Variants in PKNOX2 observed in about 807,000 individuals in gnomAD.
PKNOX2 encodes the protein homeobox protein PKNOX2.
In PKNOX2, 14 loss-of-function variants were observed where a neutral mutation model predicts 53.1. The ratio of observed to expected loss-of-function variants is 0.26; its 90% CI spans 0.17 to 0.41. PKNOX2 has a LOEUF of 0.41. Among genes scored for constraint, PKNOX2 ranks in the 10% least tolerant of loss-of-function variants. PKNOX2 has a pLI of 1.00. For synonymous variants in PKNOX2, 257 were observed against 242.8 expected, an observed-to-expected ratio of 1.06 and a Z score of -0.54; for missense variants, 496 against 602.8, an observed-to-expected ratio of 0.82 and a Z score of 1.85.
At chr11:125,239,943 A>T (rs1402186231) in intron 2 of PKNOX2, 1 of 152,252 alleles carries the variant, frequency 6.6e-6, no homozygotes, top group African/African-American at 2.4e-5. Context: ...CCGAGCTGCA[A>T]ATCTGCTTTC....
intron 3 of PKNOX2, among the ~76,000 whole-genome samples, chr11:125,339,889 T>C (rs1439018458): frequency 2.6e-5 from 4 of 152,226 alleles, no homozygotes; most frequent in African/African-American, 9.6e-5. Context: ...TTTAATTTTG[T>C]TCCTTCTCCT....
chr11:125,193,184 A>G (rs1956982565), intron 1 of PKNOX2, among the ~76,000 whole-genome samples: 1 of 152,226 alleles, frequency 6.6e-6, no homozygotes, highest in South Asian at 2.1e-4. Context: ...CTCCAAGCTT[A>G]CAAGACCAGT....
intron 2 of PKNOX2, among the ~76,000 whole-genome samples, chr11:125,293,516 G>C (rs1350467434): frequency 6.6e-6 from 1 of 152,110 alleles, no homozygotes; most frequent in East Asian, 1.9e-4. Flanking sequence ...CTGTTTCCTT[G>C]TTCTTTGTCT....
intron 3 of PKNOX2, among the ~76,000 whole-genome samples, chr11:125,337,688 G>A (rs1950497965): frequency 6.6e-6 from 1 of 152,164 alleles, no homozygotes; most frequent in East Asian, 1.9e-4. Context: ...TTCAGCACAG[G>A]GAAATCTCCA....
chr11:125,212,629 G>A (rs1393446857), intron 1 of PKNOX2, among the ~76,000 whole-genome samples: 1 of 151,702 alleles, frequency 6.6e-6, no homozygotes, highest in African/African-American at 2.4e-5. Flanking sequence ...GAACAGAGAG[G>A]GAAGAGAGGA....
rs689051 is a variant in PKNOX2, at chr11:125,422,594, G to A, written c.937-6418G>A. On this transcript the variant is annotated intron_variant, in intron 10 of 12. Coordinates refer to ENST00000298282, the MANE Select transcript of PKNOX2 (RefSeq NM_001382323.2). This position sits in a 1 kb window ranked among gnomAD's most constrained non-coding sequence, Gnocchi z 4.1. ...TCTCCATCCAAGACTGAGCCTTGTC[G>A]ACAACAGGCAAGTCAGCTGCAGGGT... 0.13 allele frequency among the ~76,000 whole-genome samples: 19,065 copies of A among 152,102 alleles called. 1,340 individuals carry two copies. The highest frequency in any genetic ancestry group is 0.15 in the Non-Finnish European group (9,930 of 67,990).
At chr11:125,356,588 C>T (rs1951630671) in intron 4 of PKNOX2, among the ~76,000 whole-genome samples, 2 of 152,202 alleles carry the variant, frequency 1.3e-5, no homozygotes, top group Admixed American at 1.3e-4. Context: ...CAGGACATGG[C>T]ACTCAGAGAT....
At chr11:125,292,262 A>G (rs1365290674) in intron 2 of PKNOX2, among the ~76,000 whole-genome samples, 1 of 152,238 alleles carries the variant, frequency 6.6e-6, no homozygotes, top group South Asian at 2.1e-4. Flanking sequence ...CTGCATCTGC[A>G]TCTGCTACCA....
intron 1 of PKNOX2, among the ~76,000 whole-genome samples, chr11:125,181,692 G>T (rs1486584049): frequency 6.6e-6 from 1 of 152,250 alleles, no homozygotes; most frequent in Non-Finnish European, 1.5e-5. Context: ...TAGTTTGGGA[G>T]AGGAATCTCT....
chr11:125,175,819 G>A (rs1955671328), intron 1 of PKNOX2, among the ~76,000 whole-genome samples: 1 of 152,164 alleles, frequency 6.6e-6, no homozygotes, highest in Non-Finnish European at 1.5e-5. Context: ...TGGGGAAGAT[G>A]GGAAGATTAA....
chr11:125,326,853 G>A (rs1272572045), intron 2 of PKNOX2, among the ~76,000 whole-genome samples: 1 of 152,246 alleles, frequency 6.6e-6, no homozygotes, highest in Non-Finnish European at 1.5e-5. Flanking sequence ...AATGTGTGAT[G>A]AAGCTGGTCC....
At chr11:125,200,699 A>T (rs1056959672) in intron 1 of PKNOX2, among the ~76,000 whole-genome samples, 1 of 152,130 alleles carries the variant, frequency 6.6e-6, no homozygotes, top group Non-Finnish European at 1.5e-5. Context: ...GCAGTCACGT[A>T]TGTATTTATG....
chr11:125,386,485 G>A (rs1717018143), intron 6 of PKNOX2, among the ~76,000 whole-genome samples: 2 of 152,068 alleles, frequency 1.3e-5, no homozygotes, highest in South Asian at 4.2e-4. Context: ...TTCTCTGTTT[G>A]TCCATTACTC....
rs576254927 is a variant in PKNOX2, at chr11:125,392,889, T to G, written c.400-4985T>G. On this transcript the variant is annotated intron_variant, in intron 6 of 12. Coordinates refer to ENST00000298282, the MANE Select transcript of PKNOX2 (RefSeq NM_001382323.2). ...AAAGAGAAAGTTTGGCCGGGCGCGGTGGCTCACGCCTGTAATCCCAGCACT... is the reference window on the plus strand; with the variant it reads ...AAAGAGAAAGTTTGGCCGGGCGCGGGGGCTCACGCCTGTAATCCCAGCACT... Among the ~76,000 whole-genome samples, 15 of 152,126 alleles carry G rather than the reference T, an allele frequency of 9.9e-5. No homozygotes were observed. The South Asian group carries it at 3.1e-3, about 32-fold the overall frequency.
chr11:125,312,921 A>G (rs1257365868), intron 2 of PKNOX2, among the ~76,000 whole-genome samples: 1 of 152,152 alleles, frequency 6.6e-6, no homozygotes, highest in Non-Finnish European at 1.5e-5. Flanking sequence ...AACAGAGAAA[A>G]CAGCATTTAA....
At chr11:125,344,894 C>T (rs1439727855) in intron 3 of PKNOX2, among the ~76,000 whole-genome samples, 1 of 152,106 alleles carries the variant, frequency 6.6e-6, no homozygotes, top group African/African-American at 2.4e-5. Flanking sequence ...ACAGAGTGAA[C>T]AAGGATGTGA....
intron 1 of PKNOX2, among the ~76,000 whole-genome samples, chr11:125,185,761 T>C (rs759625044): frequency 6.6e-6 from 1 of 152,236 alleles, no homozygotes. Context: ...CACCTGTTTA[T>C]AGACATGTGG....
At chr11:125,393,065 G>A (rs905921189) in intron 6 of PKNOX2, among the ~76,000 whole-genome samples, 11 of 151,500 alleles carry the variant, frequency 7.3e-5, no homozygotes, top group Non-Finnish European at 1.6e-4. Flanking sequence ...GGAGGCTGAG[G>A]CAGGAGAATG....
At chr11:125,226,740 GC>G (rs11317089) in intron 1 of PKNOX2, among the ~76,000 whole-genome samples, 18,874 of 150,484 alleles carry the variant, frequency 0.13, 1,396 homozygotes, top group Non-Finnish European at 0.17. Context: ...CTCCTAATTG[GC>G]CCCCTCTCCT....
Sources: gnomAD v4.1 joint callset for allele counts (sites outside exome capture counted in the v4.1 genomes callset) on GRCh38, gnomAD v4.1.1 for gene constraint, Gnocchi (gnomAD v3.1) non-coding constraint, MANE v1.5 for transcripts, NCBI Gene and HGNC (gene_info 2026-07-23, HGNC 2026-07-21) for gene names.